Variants in SLC24A5 observed in about 807,000 individuals in gnomAD.
The protein encoded by SLC24A5 is solute carrier family 24 member 5.
Under a neutral mutation model 51.6 loss-of-function variants are expected in SLC24A5, and 46 were observed. The observed-to-expected ratio is 0.89, with a 90% confidence interval of 0.70 to 1.14. The LOEUF (loss-of-function observed/expected upper bound fraction) is 1.14, where lower values mean the gene tolerates loss of function less well. Ranked by LOEUF, SLC24A5 falls within the 50% of genes most tolerant of loss-of-function variation. The probability of loss-of-function intolerance (pLI) is 0.00; values close to 1 mark genes in which losing one functional copy is unlikely to be tolerated. For missense variants in SLC24A5, 581 were observed against 604.1 expected (o/e 0.96, Z 0.40); for synonymous variants, 230 against 214.9 (o/e 1.07, Z -0.62).
intron 2 of SLC24A5, among the ~76,000 whole-genome samples, chr15:48,133,454 T>C (rs1331423663): frequency 6.6e-6 from 1 of 152,138 alleles, no homozygotes; most frequent in African/African-American, 2.4e-5. Context: ...ACTCTCATCT[T>C]GTCAGTCCCT....
intron 2 of SLC24A5, chr15:48,124,000 A>C (rs1409259269): frequency 6.6e-6 from 1 of 151,574 alleles, no homozygotes; most frequent in Non-Finnish European, 1.5e-5. Context: ...TTTCTTATTG[A>C]TTTTCAAGAC....
rs1301786288 is a variant in SLC24A5 at position 48,142,287 on chromosome 15, C to T, written c.1439C>T (p.Thr480Ile). The change falls in exon 9 of 9, where the codon ACA becomes ATA. Residue 480 changes from threonine to isoleucine, a missense_variant. Coordinates refer to ENST00000341459, the MANE Select transcript of SLC24A5 (RefSeq NM_205850.3). ...CTATTATCATACTTGGGGCTTGCTA[C>T]ATTATCAGTTCTATATGAACTTGGA... ...VCLLSYLGLA[T>I]LSVLYELGII... 3 of 1,613,328 alleles carry T rather than the reference C, an allele frequency of 1.9e-6. No homozygotes were observed. Among genetic ancestry groups the T allele is most frequent in the South Asian group, 1.1e-5 (1 of 91,028 alleles).
In SLC24A5 at chr15:48,142,077, A is replaced by G. The variant is rs369837467; in HGVS notation, c.1229A>G (p.Asp410Gly). 2 of 1,613,760 alleles carry G rather than the reference A, an allele frequency of 1.2e-6. No individual in the cohort carries two copies. Among genetic ancestry groups the G allele is most frequent in the African/African-American group, 2.7e-5 (2 of 74,918 alleles). Residue 410 changes from aspartate (D) to glycine (G), a missense_variant, in exon 9 of 9, where the codon GAT becomes GGT. Coordinates refer to ENST00000341459, the MANE Select transcript of SLC24A5 (RefSeq NM_205850.3). Reference protein sequence around the residue: ...MSNIVGSNVFDMLCLGIPWFI... With the variant: ...MSNIVGSNVFGMLCLGIPWFI... ...AACATCGTGGGATCCAATGTGTTTG[A>G]TATGTTGTGCCTTGGTATTCCATGG...
At chr15:48,141,848 A>T in intron 8 of SLC24A5, 181 bp from the exon 9 acceptor site, 1 of 417,450 alleles carries the variant, frequency 2.4e-6, no homozygotes, top group South Asian at 7.1e-5. Flanking sequence ...AAATGTTAAG[A>T]CTTTAAATAC....
Position 48,129,523 on chromosome 15 carries a change from A to C in SLC24A5, c.302-4735A>C, listed in dbSNP as rs563482532. Among the ~76,000 whole-genome samples the C allele has an allele frequency of 8.5e-5, 13 of 152,164 alleles. 1 individual carries two copies. In the East Asian group the frequency reaches 2.3e-3, roughly 27 times the overall value. ...ACTCTAATCCATTCACAAAGCACAA[A>C]AGTTTGCAGACTTTTAAAAATGATG... On this transcript the variant is annotated intron_variant, in intron 2 of 8. Coordinates refer to ENST00000341459, the MANE Select transcript of SLC24A5 (RefSeq NM_205850.3).
Position 48,136,885 on chromosome 15 carries a change from G to C in SLC24A5, c.793G>C (p.Asp265His), listed in dbSNP as rs149836406. 60 of 1,613,710 alleles carry C rather than the reference G, an allele frequency of 3.7e-5. 1 individual carries two copies. Among genetic ancestry groups the C allele is most frequent in the Non-Finnish European group, 5.1e-6 (6 of 1,179,808 alleles). The change falls in exon 6 of 9, where the codon GAT (aspartate) becomes CAT (histidine). Residue 265 changes from aspartate (D) to histidine (H), a missense_variant. By Grantham distance (81) the Asp-to-His change is moderately conservative (BLOSUM62 -1). Transcript: ENST00000341459. Reference protein sequence around the residue: ...QPFIRRQSRTDSGIFYEDSGY... With the variant: ...QPFIRRQSRTHSGIFYEDSGY... ...ATTCATTCGTCGGCAATCAAGAACT[G>C]ATAGTGGAATATTTTATGAAGATTC...
At chr15:48,123,242 A>T (rs1052143873) in intron 2 of SLC24A5, 13 of 151,774 alleles carry the variant, frequency 8.6e-5, no homozygotes, top group African/African-American at 2.9e-4. Flanking sequence ...TTTTATCTTG[A>T]CGTTACATCT....
In SLC24A5 at chr15:48,121,936, A is replaced by C; in HGVS notation, c.201A>C (p.Gly67=). 3 of 1,614,154 alleles carry C rather than the reference A, an allele frequency of 1.9e-6. No individual in the cohort carries two copies. The highest frequency in any genetic ancestry group is 2.5e-6 in the Non-Finnish European group (3 of 1,179,990). ...TCACGAGACAGGAGCGCAGAGATGGAGGCATCATAATCTATTTCCTAATTA... is the reference window on the plus strand; with the variant it reads ...TCACGAGACAGGAGCGCAGAGATGGCGGCATCATAATCTATTTCCTAATTA... ...GFFTRQERRD[G]GIIIYFLIIV... Residue 67 remains glycine, a synonymous_variant, in exon 2 of 9, where the codon GGA becomes GGC. Coordinates refer to ENST00000341459, the MANE Select transcript of SLC24A5 (RefSeq NM_205850.3).
At chr15:48,137,459 A>T (rs2038930181) in intron 6 of SLC24A5, 1 of 152,320 alleles carries the variant, frequency 6.6e-6, no homozygotes, top group Non-Finnish European at 1.5e-5. Flanking sequence ...ATGCTATTTT[A>T]AGAATCTTGG....
intron 2 of SLC24A5, among the ~76,000 whole-genome samples, chr15:48,125,899 C>A (rs1297747151): frequency 2.0e-5 from 3 of 152,156 alleles, no homozygotes; most frequent in Non-Finnish European, 4.4e-5. Flanking sequence ...TGTCCCACCC[C>A]AGCCCCACTC....
chr15:48,136,985 T>C, intron 6 of SLC24A5, 22 bp downstream of exon 6: 9 of 1,582,810 alleles, frequency 5.7e-6, no homozygotes, highest in Non-Finnish European at 7.7e-6. Flanking sequence ...ATCTTGCCCA[T>C]TATTAAGTCT....
At chr15:48,134,576 A>G in intron 4 of SLC24A5, 38 bp downstream of exon 4, 2 of 1,511,118 alleles carry the variant, frequency 1.3e-6, no homozygotes, top group Non-Finnish European at 9.2e-7. Flanking sequence ...GTATTGTCTT[A>G]AAAAATTCTA....
At chr15:48,134,158 G>T in intron 2 of SLC24A5, 100 bp from the exon 3 acceptor site, 1 of 1,010,896 alleles carries the variant, frequency 9.9e-7, no homozygotes, top group Non-Finnish European at 1.5e-6. Context: ...TTTAATAGTG[G>T]TTTTATGTGA....
intron 2 of SLC24A5, among the ~76,000 whole-genome samples, chr15:48,132,522 C>T (rs1161123221): frequency 6.6e-6 from 1 of 152,138 alleles, no homozygotes; most frequent in Non-Finnish European, 1.5e-5. Context: ...ATAAATACAA[C>T]AAATAAATGA....
chr15:48,141,102 G>GTAAC lies in SLC24A5; in HGVS notation c.1079-10_1079-9insAACT. ...TTAAGATTTGTAACTTGAAATATCT[G>GTAAC]TTTATTACAGGGGAAACACTAGAAA... On this transcript the variant is annotated splice_polypyrimidine_tract_variant and intron_variant, in intron 7 of 8. Coordinates refer to ENST00000341459, the MANE Select transcript of SLC24A5 (RefSeq NM_205850.3). 1 of 1,600,110 alleles carries GTAAC rather than the reference G, an allele frequency of 6.2e-7. No homozygotes were observed. The highest frequency in any genetic ancestry group is 8.6e-7 in the Non-Finnish European group (1 of 1,168,150).
chr15:48,126,922 T>C (rs2038737966), intron 2 of SLC24A5, among the ~76,000 whole-genome samples: 1 of 152,164 alleles, frequency 6.6e-6, no homozygotes, highest in African/African-American at 2.4e-5. Flanking sequence ...TATATATTGA[T>C]ATAGTTGCTG....
intron 2 of SLC24A5, among the ~76,000 whole-genome samples, chr15:48,131,243 T>C (rs1045369205): frequency 6.6e-6 from 1 of 152,170 alleles, no homozygotes; most frequent in Non-Finnish European, 1.5e-5. Flanking sequence ...TGTGTGTCTA[T>C]ACATATATAC....
chr15:48,129,131 C>A, intron 2 of SLC24A5, among the ~76,000 whole-genome samples: 2 of 152,014 alleles, frequency 1.3e-5, no homozygotes, highest in East Asian at 3.9e-4. Context: ...GAGTCTTTTT[C>A]GGTGGAATCA....
intron 2 of SLC24A5, among the ~76,000 whole-genome samples, chr15:48,125,456 A>G (rs993841949): frequency 2.0e-5 from 3 of 152,092 alleles, no homozygotes; most frequent in African/African-American, 7.2e-5. Context: ...GCCAAAACTC[A>G]AGCATGATCT....
Sources: allele counts gnomAD v4.1 joint callset (sites outside exome capture counted in the v4.1 genomes callset), GRCh38; gene constraint gnomAD v4.1.1; transcripts MANE v1.5; gene names NCBI Gene and HGNC (gene_info 2026-07-23, HGNC 2026-07-21).